ZC3H4: variants seen among roughly 807,000 people sequenced by gnomAD.
The protein encoded by ZC3H4 is zinc finger CCCH-type containing 4.
Under a neutral mutation model 108.3 loss-of-function variants are expected in ZC3H4, and 13 were observed. The ratio of observed to expected loss-of-function variants is 0.12; its 90% CI spans 0.08 to 0.19. The LOEUF is 0.19. Among genes scored for constraint, ZC3H4 ranks in the 10% least tolerant of loss-of-function variants. The pLI is 1.00. For missense variants in ZC3H4, 1,734 were observed against 1,838.8 expected (o/e 0.94, Z 1.04); for synonymous variants, 917 against 749.6 (o/e 1.22, Z -3.65).
At chr19:47,103,764 A>G in intron 2 of ZC3H4, among the ~76,000 whole-genome samples, 1 of 38,034 alleles carries the variant, frequency 2.6e-5, no homozygotes, top group Middle Eastern at 0.02. Context: ...GTCTCTACTA[A>G]AAAAAAAAAA....
intron 1 of ZC3H4, chr19:47,113,275 G>A (rs2058064072): frequency 6.5e-6 from 1 of 153,184 alleles, no homozygotes; most frequent in Non-Finnish European, 1.5e-5. Flanking sequence ...AAAGGGCGAG[G>A]CCGAGGGGAG....
At chr19:47,079,689 A>G (rs1364227088) in intron 11 of ZC3H4, among the ~76,000 whole-genome samples, 3 of 152,216 alleles carry the variant, frequency 2.0e-5, no homozygotes, top group Non-Finnish European at 2.9e-5. Flanking sequence ...CAAGGTCAGT[A>G]GTTCGAGACC....
At chr19:47,082,539 C>T (rs2057543293) in intron 9 of ZC3H4, among the ~76,000 whole-genome samples, 1 of 152,110 alleles carries the variant, frequency 6.6e-6, no homozygotes, top group East Asian at 1.9e-4. Context: ...TCTCAAACTC[C>T]TGGGTTCAAG....
In ZC3H4 at chr19:47,071,862, T is replaced by C. The variant is rs773973444; in HGVS notation, c.2062A>G (p.Ile688Val). Residue 688 changes from isoleucine to valine, a missense_variant, in exon 13 of 15, where the codon ATC (isoleucine) becomes GTC (valine). Physicochemically the swap from Ile to Val is conservative, Grantham distance 29 (BLOSUM62 3). Transcript: ENST00000253048. Reference protein sequence around the residue: ...DSPHSGMMPPIPPAQNFYENF... With the variant: ...DSPHSGMMPPVPPAQNFYENF... ...TCATAGAAGTTCTGGGCTGGCGGGATAGGGGGCATCATTCCAGAATGTGGG... is the reference window on the plus strand; with the variant it reads ...TCATAGAAGTTCTGGGCTGGCGGGACAGGGGGCATCATTCCAGAATGTGGG... 3 of 1,613,520 alleles carry C rather than the reference T, an allele frequency of 1.9e-6. No individual in the cohort carries two copies. The highest frequency in any genetic ancestry group is 2.2e-5 in the South Asian group (2 of 91,032).
At chr19:47,088,172 CAAAT>C (rs563475093) in intron 5 of ZC3H4, among the ~76,000 whole-genome samples, 3 of 151,740 alleles carry the variant, frequency 2.0e-5, no homozygotes, top group Non-Finnish European at 2.9e-5. Context: ...GACTCCATCT[CAAAT>C]AAATAAATAA....
chr19:47,068,619 A>G (rs1481078700), intron 14 of ZC3H4, among the ~76,000 whole-genome samples: 1 of 151,784 alleles, frequency 6.6e-6, no homozygotes. Context: ...GGATCTAGAC[A>G]CCACTTGTCA....
At chr19:47,074,916 C>T (rs1234361850) in intron 11 of ZC3H4, among the ~76,000 whole-genome samples, 1 of 152,188 alleles carries the variant, frequency 6.6e-6, no homozygotes, top group African/African-American at 2.4e-5. Flanking sequence ...ACATCTTGGC[C>T]GTGAGTCCCC....
intron 13 of ZC3H4, 134 bp from the exon 14 acceptor site, chr19:47,069,477 C>T: frequency 8.3e-7 from 1 of 1,199,992 alleles, no homozygotes. Context: ...GCCTGCCCTC[C>T]CCAGGTCTCA....
At chr19:47,112,238 G>C in intron 2 of ZC3H4, 186 bp downstream of exon 2, 6 of 1,168,928 alleles carry the variant, frequency 5.1e-6, no homozygotes, top group South Asian at 4.3e-5. Flanking sequence ...ATGAGGCCGG[G>C]AGAGAAAGCA....
Position 47,086,391 on chromosome 19 carries a change from T to G in ZC3H4, c.863A>C (p.Glu288Ala). ...GGCCAGAGGAAACCTTACGTCCATC[T>G]CTTCCTCGTAGAAATCCTCTTCATC... ...PEDEEDFYEEEMDYGESEEPM... is the reference protein window; with the variant it reads ...PEDEEDFYEEAMDYGESEEPM... The change falls in exon 6 of 15, where the codon GAG becomes GCG. Residue 288 changes from glutamate (E) to alanine (A), a missense_variant. Physicochemically the swap from Glu to Ala is moderately radical, Grantham distance 107 (BLOSUM62 -1). Around this residue, in one of 9 missense-constraint regions of ZC3H4, gnomAD observed 403 missense variants for 457.0 expected, o/e 0.88. Coordinates refer to ENST00000253048, the MANE Select transcript of ZC3H4 (RefSeq NM_015168.2). 6.2e-7 allele frequency: 1 copy of G among 1,613,464 alleles called. No individual in the cohort carries two copies. The highest frequency in any genetic ancestry group is 8.5e-7 in the Non-Finnish European group (1 of 1,179,842).
At chr19:47,110,967 GA>G in intron 2 of ZC3H4, 11 of 974,728 alleles carry the variant, frequency 1.1e-5, no homozygotes, top group Non-Finnish European at 1.3e-5. Flanking sequence ...CTGTGAAGGA[GA>G]AAGGGGAAAG....
In ZC3H4 at chr19:47,071,797, G is replaced by T. The variant is rs368151137; in HGVS notation, c.2127C>A (p.Pro709=). The change falls in exon 13 of 15, where the codon CCC becomes CCA. Residue 709 remains proline, a synonymous_variant. Coordinates refer to ENST00000253048, the MANE Select transcript of ZC3H4 (RefSeq NM_015168.2). ...YQQQEGMEME[P]GLLGDAEDYG... is the part of the protein sequence containing the mutation. Reference sequence around the variant, plus strand: ...GCATACCTGCATCCCCCAGGAGTCCGGGCTCCATCTCCATGCCCTCCTGCT... The same window carrying T: ...GCATACCTGCATCCCCCAGGAGTCCTGGCTCCATCTCCATGCCCTCCTGCT... The T allele has an allele frequency of 6.2e-7, 1 of 1,612,014 alleles. No individual in the cohort carries two copies. The highest frequency in any genetic ancestry group is 1.7e-5 in the Admixed American group (1 of 59,790).
rs540035017 is a variant in ZC3H4 at position 47,089,736 on chromosome 19, C to T, written c.715+231G>A. On this transcript the variant is annotated intron_variant, in intron 5 of 14. Coordinates refer to ENST00000253048, the MANE Select transcript of ZC3H4 (RefSeq NM_015168.2). ...CACAGCTGACCAGGAAGTGACCTTT[C>T]GGGCACGCTGGCCTTCTCCCTGCCT... Among the ~76,000 whole-genome samples the T allele has an allele frequency of 5.3e-5, 8 of 152,298 alleles. No homozygotes were observed. In the South Asian group the frequency reaches 1.4e-3, roughly 28 times the overall value.
intron 8 of ZC3H4, among the ~76,000 whole-genome samples, chr19:47,084,815 G>A (rs1337818084): frequency 6.6e-6 from 1 of 152,216 alleles, no homozygotes; most frequent in African/African-American, 2.4e-5. Flanking sequence ...GAACCTCAGA[G>A]ATGTGTTAGG....
chr19:47,074,293 T>A (rs2122747130), intron 11 of ZC3H4, among the ~76,000 whole-genome samples: 1 of 152,302 alleles, frequency 6.6e-6, no homozygotes, highest in South Asian at 2.1e-4. Flanking sequence ...CTTGTCGGAT[T>A]ATTCAGTCAT....
chr19:47,091,780 C>A (rs2057735894), intron 4 of ZC3H4, among the ~76,000 whole-genome samples: 1 of 151,236 alleles, frequency 6.6e-6, no homozygotes, highest in African/African-American at 2.4e-5. Flanking sequence ...GTAATCCCAG[C>A]TACTTGAGAG....
chr19:47,076,955 T>G (rs1428402025), intron 11 of ZC3H4, among the ~76,000 whole-genome samples: 1 of 152,096 alleles, frequency 6.6e-6, no homozygotes, highest in African/African-American at 2.4e-5. Flanking sequence ...GTTGCACCAC[T>G]GCACTCCAGC....
intron 2 of ZC3H4, among the ~76,000 whole-genome samples, chr19:47,103,733 G>C (rs2057932417): frequency 6.8e-6 from 1 of 146,172 alleles, no homozygotes; most frequent in Non-Finnish European, 1.5e-5. Context: ...TAGACCATCT[G>C]GGCTAACATG....
At chr19:47,091,180 G>A (rs1470647654) in intron 4 of ZC3H4, among the ~76,000 whole-genome samples, 1 of 152,212 alleles carries the variant, frequency 6.6e-6, no homozygotes, top group Non-Finnish European at 1.5e-5. Flanking sequence ...GCTGAGGCAG[G>A]AGAATTGCTT....
Sources: gnomAD v4.1 joint callset for allele counts (sites outside exome capture counted in the v4.1 genomes callset) on GRCh38, gnomAD v4.1.1 for gene constraint, gnomAD v4.1.1 regional missense constraint, MANE v1.5 for transcripts, NCBI Gene and HGNC (gene_info 2026-07-23, HGNC 2026-07-21) for gene names.